Variants in CNTN4 observed in about 807,000 individuals in gnomAD.
CNTN4 encodes contactin 4.
In CNTN4, 77 loss-of-function variants were observed where a neutral mutation model predicts 122.5. That is an observed-to-expected ratio of 0.63 (90% CI 0.52 to 0.76). The LOEUF (loss-of-function observed/expected upper bound fraction) is 0.76. Ranked by LOEUF, CNTN4 falls within the 30% of genes least tolerant of loss-of-function variation. The pLI is 0.00. For synonymous variants in CNTN4, 512 were observed against 447.0 expected (o/e 1.15, Z -1.83); for missense variants, 1,256 against 1,259.1 (o/e 1.00, Z 0.04).
At chr3:2,915,723 C>T (rs1466311694) in intron 12 of CNTN4, among the ~76,000 whole-genome samples, 1 of 152,146 alleles carries the variant, frequency 6.6e-6, no homozygotes, top group Admixed American at 6.5e-5. Context: ...TAACTGAAAA[C>T]AGCATCCTGA....
intron 4 of CNTN4, among the ~76,000 whole-genome samples, chr3:2,637,267 G>A (rs1553599778): frequency 6.6e-6 from 1 of 151,956 alleles, no homozygotes; most frequent in Non-Finnish European, 1.5e-5. Flanking sequence ...TACACAAGGT[G>A]CTTAAACCAT....
At chr3:2,734,139 C>A (rs2088902283) in intron 4 of CNTN4, among the ~76,000 whole-genome samples, 1 of 152,136 alleles carries the variant, frequency 6.6e-6, no homozygotes. Flanking sequence ...TGGCTCACTG[C>A]AGCCTTGATC....
chr3:2,900,355 G>A (rs1305096652), intron 10 of CNTN4, among the ~76,000 whole-genome samples: 2 of 151,958 alleles, frequency 1.3e-5, no homozygotes, highest in Non-Finnish European at 2.9e-5. Flanking sequence ...AAAAGTGGGA[G>A]GGGGGGTGAT....
intron 2 of CNTN4, among the ~76,000 whole-genome samples, chr3:2,245,955 CAG>C (rs1559375639): frequency 1.3e-5 from 2 of 151,972 alleles, no homozygotes; most frequent in South Asian, 4.1e-4. Context: ...AACAGGCACA[CAG>C]AGAGATACAT....
At chr3:2,206,516 AAAT>A (rs149721277) in intron 2 of CNTN4, among the ~76,000 whole-genome samples, 2,118 of 151,780 alleles carry the variant, frequency 0.014, 44 homozygotes, top group African/African-American at 0.049. Context: ...TTTCTGAAAA[AAAT>A]AAGAAGACAT....
chr3:2,614,032 A>G (rs76819174), intron 4 of CNTN4, among the ~76,000 whole-genome samples: 8,234 of 152,214 alleles, frequency 0.054, 752 homozygotes, highest in African/African-American at 0.19. Context: ...CTATTGTGAG[A>G]AAAAAATAGA....
intron 2 of CNTN4, among the ~76,000 whole-genome samples, chr3:2,293,560 G>A (rs2042206026): frequency 1.3e-5 from 2 of 152,082 alleles, no homozygotes; most frequent in Admixed American, 6.6e-5. Context: ...TGCAGCACCT[G>A]TTTCATAAGA....
intron 12 of CNTN4, among the ~76,000 whole-genome samples, chr3:2,912,372 T>C (rs2094309891): frequency 6.6e-6 from 1 of 152,292 alleles, no homozygotes; most frequent in African/African-American, 2.4e-5. Flanking sequence ...GTGGAGACTT[T>C]CCCAGATAAA....
chr3:2,520,310 T>C (rs1031550885), intron 3 of CNTN4, among the ~76,000 whole-genome samples: 2 of 139,084 alleles, frequency 1.4e-5, no homozygotes, highest in Non-Finnish European at 3.1e-5. Context: ...TTTCACTCTG[T>C]AGCCCAGGCT....
At chr3:2,115,426 C>T (rs751857809) in intron 2 of CNTN4, among the ~76,000 whole-genome samples, 1 of 152,176 alleles carries the variant, frequency 6.6e-6, no homozygotes, top group East Asian at 1.9e-4. Flanking sequence ...AACCAAGGAA[C>T]TATAAAGAGA....
rs752180644 is a variant in CNTN4 at position 2,571,475 on chromosome 3, G to C, written c.-29G>C. 3.8e-6 allele frequency: 6 copies of C among 1,584,502 alleles called. No homozygotes were observed. The Admixed American group carries it at 6.7e-5, about 18-fold the overall frequency. ...ATTCTATTCGCTTGTTATTGGACTT[G>C]AAACTCCCTTTGACCTCGGAAACTG... is the stretch of plus-strand genomic sequence containing the variant. On this transcript the variant is annotated 5_prime_UTR_variant, in exon 4 of 25. Transcript: ENST00000418658.
chr3:2,414,205 G>GTGA (rs1294559274), intron 3 of CNTN4, among the ~76,000 whole-genome samples: 1 of 152,230 alleles, frequency 6.6e-6, no homozygotes, highest in African/African-American at 2.4e-5. Context: ...TCATAGACCA[G>GTGA]TGATGATACT....
intron 14 of CNTN4, among the ~76,000 whole-genome samples, chr3:3,019,787 T>TACACATGC (rs2125583716): frequency 9.5e-6 from 1 of 105,430 alleles, no homozygotes; most frequent in Non-Finnish European, 2.0e-5. Context: ...TATATATATA[T>TACACATGC]ATATATATAT....
chr3:2,762,937 C>CTTTT (rs529635016), intron 6 of CNTN4, among the ~76,000 whole-genome samples: 12 of 96,444 alleles, frequency 1.2e-4, no homozygotes, highest in East Asian at 2.7e-4. Context: ...TGATGTCAAG[C>CTTTT]TTTTTTTTTT....
At chr3:2,607,342 G>A (rs73110684) in intron 4 of CNTN4, among the ~76,000 whole-genome samples, 2,667 of 152,142 alleles carry the variant, frequency 0.018, 63 homozygotes, top group African/African-American at 0.061. Context: ...TTACTGGGAT[G>A]TTCACCAAGG....
At chr3:2,491,497 T>C (rs1216805209) in intron 3 of CNTN4, among the ~76,000 whole-genome samples, 1 of 152,190 alleles carries the variant, frequency 6.6e-6, no homozygotes, top group Non-Finnish European at 1.5e-5. Context: ...AAAATATTTT[T>C]CTGAACGTGT....
intron 2 of CNTN4, among the ~76,000 whole-genome samples, chr3:2,254,985 C>T (rs1435674316): frequency 6.6e-6 from 1 of 152,104 alleles, no homozygotes; most frequent in African/African-American, 2.4e-5. Context: ...AATGGTATTG[C>T]CTAGGCTTTC....
intron 4 of CNTN4, among the ~76,000 whole-genome samples, chr3:2,585,989 A>G (rs930584371): frequency 3.3e-5 from 5 of 152,162 alleles, no homozygotes; most frequent in African/African-American, 1.2e-4. Context: ...TAAATGCTTA[A>G]ACAAGATAAT....
chr3:2,239,227 G>T (rs2039828023), intron 2 of CNTN4, among the ~76,000 whole-genome samples: 1 of 152,036 alleles, frequency 6.6e-6, no homozygotes, highest in Admixed American at 6.6e-5. Flanking sequence ...ATTTGTATTT[G>T]GTTACGCAGT....
Sources: allele counts gnomAD v4.1 joint callset (sites outside exome capture counted in the v4.1 genomes callset), GRCh38; gene constraint gnomAD v4.1.1; transcripts MANE v1.5; gene names NCBI Gene and HGNC (gene_info 2026-07-23, HGNC 2026-07-21).